Variants in KALRN observed in about 807,000 individuals in gnomAD.
KALRN encodes the protein kalirin.
Under a neutral mutation model 353.7 loss-of-function variants are expected in KALRN, and 70 were observed. That is an observed-to-expected ratio of 0.20 (90% CI 0.16 to 0.24). The LOEUF (loss-of-function observed/expected upper bound fraction) is 0.24, where lower values mean the gene tolerates loss of function less well. Ranked by LOEUF, KALRN falls within the 10% of genes least tolerant of loss-of-function variation. The pLI is 1.00. For synonymous variants in KALRN, 1,391 were observed against 1,434.8 expected (o/e 0.97, Z 0.69); for missense variants, 2,791 against 3,756.7 (o/e 0.74, Z 6.72).
intron 33 of KALRN, among the ~76,000 whole-genome samples, chr3:124,550,357 C>T (rs966257706): frequency 2.6e-5 from 4 of 152,064 alleles, no homozygotes; most frequent in Admixed American, 6.6e-5. Flanking sequence ...GACTGGGCCC[C>T]GATGCTACCT....
At chr3:124,709,142 A>C (rs1271874050) in intron 57 of KALRN, among the ~76,000 whole-genome samples, 1 of 152,240 alleles carries the variant, frequency 6.6e-6, no homozygotes, top group Non-Finnish European at 1.5e-5. Context: ...GAAACAAACT[A>C]TATAGCAAAA....
intron 1 of KALRN, among the ~76,000 whole-genome samples, chr3:124,050,843 A>G (rs1179965728): frequency 6.6e-6 from 1 of 152,098 alleles, no homozygotes; most frequent in Non-Finnish European, 1.5e-5. Context: ...AAAAAATCCT[A>G]TTTTGGATGT....
chr3:124,484,041 T>C (rs1467890197), intron 28 of KALRN, among the ~76,000 whole-genome samples: 3 of 152,236 alleles, frequency 2.0e-5, no homozygotes, highest in Non-Finnish European at 4.4e-5. Flanking sequence ...AAAGGGATAG[T>C]AGGGGACATG....
At chr3:124,623,428 A>ACACACACACACACACAC (rs1554055226) in intron 34 of KALRN, among the ~76,000 whole-genome samples, 11 of 122,722 alleles carry the variant, frequency 9.0e-5, no homozygotes, top group South Asian at 5.4e-4. Context: ...ACACACACAC[A>ACACACACACACACACAC]AAAGGGAGTT....
chr3:124,415,813 A>C (rs2092463690), intron 14 of KALRN, among the ~76,000 whole-genome samples: 1 of 152,170 alleles, frequency 6.6e-6, no homozygotes, highest in Non-Finnish European at 1.5e-5. Context: ...CACCAGCATC[A>C]CTTGGGAGCA....
At chr3:124,480,047 A>G (rs973286142) in intron 27 of KALRN, among the ~76,000 whole-genome samples, 3 of 152,178 alleles carry the variant, frequency 2.0e-5, no homozygotes, top group African/African-American at 7.2e-5. Context: ...GACCCATCAC[A>G]CAGCATGGGT....
At chr3:124,110,724 C>T (rs985507300) in intron 1 of KALRN, among the ~76,000 whole-genome samples, 12 of 152,158 alleles carry the variant, frequency 7.9e-5, no homozygotes, top group African/African-American at 1.2e-4. Flanking sequence ...AAGATTCCTT[C>T]GACCTAGGTT....
At chr3:124,087,373 A>C (rs541286114) in intron 1 of KALRN, among the ~76,000 whole-genome samples, 10 of 152,232 alleles carry the variant, frequency 6.6e-5, no homozygotes, top group African/African-American at 2.2e-4. Context: ...CTCTGTGACA[A>C]CCCCATCTTC....
chr3:124,657,486 G>C lies in KALRN; in HGVS notation c.5901G>C (p.Glu1967Asp). ...GAATAGAAGAAAAGGGTGTCCCTGA[G>C]GATATGCGAGGAAAGGACAAAATCG... ...MKRIEEKGVP[E>D]DMRGKDKIVF... The change falls in exon 40 of 60, where the codon GAG (glutamate) becomes GAC (aspartate). Residue 1967 changes from glutamate to aspartate, a missense_variant. By Grantham distance (45) the Glu-to-Asp change is conservative. Around this residue, in one of 11 missense-constraint regions of KALRN, gnomAD observed 1,065 missense variants for 1,156.4 expected, o/e 0.92. Transcript: ENST00000682506. The C allele has an allele frequency of 4.3e-6, 7 of 1,614,034 alleles. No homozygotes were observed. Among genetic ancestry groups the C allele is most frequent in the Non-Finnish European group, 5.9e-6 (7 of 1,179,918 alleles).
intron 14 of KALRN, among the ~76,000 whole-genome samples, chr3:124,415,948 T>C (rs2092469848): frequency 6.6e-6 from 1 of 152,250 alleles, no homozygotes; most frequent in African/African-American, 2.4e-5. Context: ...GGACACAGAC[T>C]GTACCTTATT....
chr3:124,462,684 A>G (rs2059966277), intron 25 of KALRN, 51 bp downstream of exon 25: 1 of 1,049,920 alleles, frequency 9.5e-7, no homozygotes, highest in African/African-American at 1.6e-5. Context: ...TAAAAACCAG[A>G]CAACAGGGTT....
intron 1 of KALRN, among the ~76,000 whole-genome samples, chr3:124,170,252 T>C (rs2071544495): frequency 1.3e-5 from 2 of 152,220 alleles, no homozygotes; most frequent in Non-Finnish European, 2.9e-5. Context: ...ATCTCTCTTC[T>C]CTGAGTGTGA....
chr3:124,342,468 T>C (rs2081856457), intron 9 of KALRN, among the ~76,000 whole-genome samples: 1 of 152,230 alleles, frequency 6.6e-6, no homozygotes. Flanking sequence ...GTTCCATCCA[T>C]GTTGCTGCAG....
intron 1 of KALRN, among the ~76,000 whole-genome samples, chr3:124,057,364 A>T (rs1031978259): frequency 6.6e-6 from 1 of 152,170 alleles, no homozygotes; most frequent in Non-Finnish European, 1.5e-5. Context: ...TAGAATGATC[A>T]AGAGTCAGAA....
intron 1 of KALRN, among the ~76,000 whole-genome samples, chr3:124,139,957 G>A (rs1356484303): frequency 6.6e-6 from 1 of 152,034 alleles, no homozygotes; most frequent in East Asian, 1.9e-4. Flanking sequence ...GTGCTCTCTG[G>A]AGAGGTCCTG....
intron 28 of KALRN, among the ~76,000 whole-genome samples, chr3:124,483,944 C>T (rs1432897279): frequency 6.6e-6 from 1 of 152,176 alleles, no homozygotes; most frequent in Non-Finnish European, 1.5e-5. Context: ...AGTTAAATAA[C>T]CCCCATCTAT....
At position 124,496,005 on chromosome 3, in the gene KALRN, A is replaced by G. The variant is rs2063778347; in HGVS notation, c.4833-306A>G. On this transcript the variant is annotated intron_variant, in intron 32 of 59. Coordinates refer to ENST00000682506, the MANE Select transcript of KALRN (RefSeq NM_001388419.1). ...TATATATATATATATATATATATAT[A>G]TATATATACACACACATATATACAT... 3.1e-5 allele frequency among the ~76,000 whole-genome samples: 2 copies of G among 64,846 alleles called. 1 individual carries two copies. The highest frequency in any genetic ancestry group is 5.1e-5 in the Non-Finnish European group (2 of 39,056). The allele number at this position is 64,846 out of a possible 152,430, so 42.5% of individuals were successfully genotyped here.
intron 37 of KALRN, among the ~76,000 whole-genome samples, chr3:124,643,214 T>C (rs2082302908): frequency 6.6e-6 from 1 of 152,176 alleles, no homozygotes; most frequent in South Asian, 2.1e-4. Flanking sequence ...GGTCTGACTT[T>C]GTTGCCCGGG....
intron 51 of KALRN, among the ~76,000 whole-genome samples, chr3:124,680,241 C>A (rs2087637923): frequency 6.6e-6 from 1 of 152,246 alleles, no homozygotes; most frequent in South Asian, 2.1e-4. Context: ...ACATTTCTCG[C>A]ACCCCAGGCT....
Sources: allele counts gnomAD v4.1 joint callset (sites outside exome capture counted in the v4.1 genomes callset), GRCh38; gene constraint gnomAD v4.1.1; regional missense constraint gnomAD v4.1.1; transcripts MANE v1.5; gene names NCBI Gene and HGNC (gene_info 2026-07-23, HGNC 2026-07-21).